The following PTPRM variants were observed in gnomAD, a reference collection of about 807,000 sequenced individuals.
PTPRM encodes the protein protein tyrosine phosphatase receptor type M.
In PTPRM, 47 loss-of-function variants were observed where a neutral mutation model predicts 186.7. That is an observed-to-expected ratio of 0.25 (90% confidence interval 0.20 to 0.32). PTPRM has a LOEUF of 0.32. Among genes scored for constraint, PTPRM ranks in the 10% least tolerant of loss-of-function variants. The pLI is 1.00. For missense variants in PTPRM, 1,494 were observed against 1,865.0 expected, an observed-to-expected ratio of 0.80 and a Z score of 3.66; for synonymous variants, 668 against 674.9, an observed-to-expected ratio of 0.99 and a Z score of 0.16.
chr18:7,772,874 T>A (rs1260330199), intron 1 of PTPRM, among the ~76,000 whole-genome samples: 1 of 152,196 alleles, frequency 6.6e-6, no homozygotes, highest in Non-Finnish European at 1.5e-5. Flanking sequence ...ATTATAATTT[T>A]TTGAATTAAT....
At chr18:8,007,405 G>A (rs1414129732) in intron 7 of PTPRM, among the ~76,000 whole-genome samples, 1 of 152,132 alleles carries the variant, frequency 6.6e-6, no homozygotes, top group African/African-American at 2.4e-5. Context: ...ATCCAGAGGA[G>A]CCTCACTTAC....
chr18:8,256,836 A>G (rs1327194791), intron 19 of PTPRM, among the ~76,000 whole-genome samples: 6 of 152,256 alleles, frequency 3.9e-5, no homozygotes, highest in African/African-American at 1.2e-4. Context: ...TAGTATTTCC[A>G]TATCTAAGTT....
At chr18:7,968,175 T>G (rs1254841632) in intron 7 of PTPRM, among the ~76,000 whole-genome samples, 6 of 103,256 alleles carry the variant, frequency 5.8e-5, no homozygotes, top group Non-Finnish European at 1.0e-4. Flanking sequence ...GAAAAGAATT[T>G]TCAACCCAGA....
At position 8,172,423 on chromosome 18, in the gene PTPRM, A is replaced by G. The variant is rs57734028; in HGVS notation, c.2300+28644A>G. On this transcript the variant is annotated intron_variant, in intron 14 of 32. Coordinates refer to ENST00000580170, the MANE Select transcript of PTPRM (RefSeq NM_001105244.2). ...GAAATTTATCTTTGTACAGGAAGGC[A>G]CTGTTTCAAGACCCAGAGCTGTGTT... is the stretch of plus-strand genomic sequence containing the variant. Among the ~76,000 whole-genome samples the G allele has an allele frequency of 2.0e-3, 304 of 152,200 alleles. 1 individual carries two copies. Among genetic ancestry groups the G allele is most frequent in the African/African-American group, 6.9e-3 (286 of 41,530 alleles).
chr18:7,667,796 G>C (rs1468162549), intron 1 of PTPRM, among the ~76,000 whole-genome samples: 1 of 152,000 alleles, frequency 6.6e-6, no homozygotes, highest in East Asian at 1.9e-4. Context: ...TCAAATGATT[G>C]TATAATGAGG....
intron 19 of PTPRM, among the ~76,000 whole-genome samples, chr18:8,296,097 A>G (rs1348331436): frequency 6.6e-6 from 1 of 152,194 alleles, no homozygotes. Context: ...ACATGTGACC[A>G]TTTTTACTCG....
Position 7,735,603 on chromosome 18 carries a change from A to T in PTPRM, c.74-38546A>T, listed in dbSNP as rs556321653. Among the ~76,000 whole-genome samples, 114 of 151,476 alleles carry T rather than the reference A, an allele frequency of 7.5e-4. 1 individual carries two copies. In the Middle Eastern group the frequency reaches 0.01, roughly 14 times the overall value. On this transcript the variant is annotated intron_variant, in intron 1 of 32. Coordinates refer to ENST00000580170, the MANE Select transcript of PTPRM (RefSeq NM_001105244.2). ...TATACCTAAAAAATATACCTAAAAAATTTGCCATATTTTGAAATGGCTCTT... is the reference window on the plus strand; with the variant it reads ...TATACCTAAAAAATATACCTAAAAATTTTGCCATATTTTGAAATGGCTCTT...
At chr18:8,079,521 A>C (rs535078337) in intron 9 of PTPRM, among the ~76,000 whole-genome samples, 2 of 152,206 alleles carry the variant, frequency 1.3e-5, no homozygotes, top group African/African-American at 2.4e-5. Context: ...ACAAGGTAGA[A>C]ACTGTAGTGC....
At chr18:8,117,081 T>A (rs890962284) in intron 13 of PTPRM, among the ~76,000 whole-genome samples, 4 of 152,212 alleles carry the variant, frequency 2.6e-5, no homozygotes, top group African/African-American at 4.8e-5. Context: ...TCATCAACCC[T>A]CCTTTCAGCA....
chr18:7,662,709 A>G (rs996576717), intron 1 of PTPRM, among the ~76,000 whole-genome samples: 4 of 152,284 alleles, frequency 2.6e-5, no homozygotes, highest in Admixed American at 2.0e-4. Flanking sequence ...TAACAAGTAT[A>G]ATTGAATTGT....
chr18:7,907,313 G>A (rs1234999447), intron 4 of PTPRM, among the ~76,000 whole-genome samples: 1 of 152,228 alleles, frequency 6.6e-6, no homozygotes. Context: ...GCAACAGACT[G>A]TAGCTGCTTG....
chr18:7,869,343 TCTC>T (rs557002339), intron 2 of PTPRM, among the ~76,000 whole-genome samples: 93 of 152,262 alleles, frequency 6.1e-4, no homozygotes, highest in African/African-American at 2.1e-3. Flanking sequence ...CCGGGGGGAA[TCTC>T]CTAGTCTGTG....
chr18:8,131,360 G>A (rs1488697031), intron 13 of PTPRM, among the ~76,000 whole-genome samples: 1 of 152,196 alleles, frequency 6.6e-6, no homozygotes, highest in African/African-American at 2.4e-5. Flanking sequence ...CATGACCCAG[G>A]CTGTTACCTT....
intron 1 of PTPRM, among the ~76,000 whole-genome samples, chr18:7,717,247 C>A (rs180911263): frequency 1.6e-3 from 250 of 152,218 alleles, no homozygotes; most frequent in African/African-American, 5.2e-3. Context: ...TGGCCCCACC[C>A]CACCCCATCC....
rs566092763 is a variant in PTPRM, at chr18:7,956,751, A to G, written c.1132+1337A>G. ...TTCTTTAAACCTCGTCATCTCCTCT[A>G]TTTAGTTGAATAAATTCCATCATTG... On this transcript the variant is annotated intron_variant, in intron 7 of 32. Coordinates refer to ENST00000580170, the MANE Select transcript of PTPRM (RefSeq NM_001105244.2). Among the ~76,000 whole-genome samples, 87 of 152,302 alleles carry G rather than the reference A, an allele frequency of 5.7e-4. 2 individuals carry two copies. In the South Asian group the frequency reaches 0.018, roughly 31 times the overall value.
chr18:7,739,144 T>G (rs2040837158), intron 1 of PTPRM, among the ~76,000 whole-genome samples: 1 of 42,248 alleles, frequency 2.4e-5, no homozygotes, highest in South Asian at 2.6e-3. Context: ...AAATGACAGT[T>G]TTTTTTTTCT....
At chr18:8,189,366 G>A (rs1106701) in intron 14 of PTPRM, among the ~76,000 whole-genome samples, 104,054 of 151,344 alleles carry the variant, frequency 0.69, 36,101 homozygotes, top group East Asian at 0.87. Flanking sequence ...ATCAGCTCAC[G>A]GGGGGTTCTG....
intron 3 of PTPRM, among the ~76,000 whole-genome samples, chr18:7,892,913 G>A (rs531285906): frequency 1.2e-4 from 19 of 152,202 alleles, no homozygotes; most frequent in South Asian, 1.2e-3. Context: ...CTGTCCCCTC[G>A]TCACCCCATC....
chr18:7,709,954 C>G (rs2144772276), intron 1 of PTPRM, among the ~76,000 whole-genome samples: 1 of 152,240 alleles, frequency 6.6e-6, no homozygotes, highest in South Asian at 2.1e-4. Flanking sequence ...GGATTCACAG[C>G]TGAATTCTAT....
Sources: gnomAD v4.1 joint callset for allele counts (sites outside exome capture counted in the v4.1 genomes callset) on GRCh38, gnomAD v4.1.1 for gene constraint, MANE v1.5 for transcripts, NCBI Gene and HGNC (gene_info 2026-07-23, HGNC 2026-07-21) for gene names.